PKHD1L1: variants seen among roughly 807,000 people sequenced by gnomAD.
PKHD1L1 encodes PKHD1 like 1.
PKHD1L1 carries 434 observed loss-of-function variants against 462.9 expected under a neutral mutation model. The observed-to-expected ratio is 0.94, with a 90% CI of 0.87 to 1.02. The LOEUF (loss-of-function observed/expected upper bound fraction) is 1.02, where lower values mean the gene tolerates loss of function less well. Ranked by LOEUF, PKHD1L1 falls within the 50% of genes least tolerant of loss-of-function variation. The pLI, the probability that PKHD1L1 is intolerant of heterozygous loss-of-function variation, is 0.00. For synonymous variants in PKHD1L1, 1,781 were observed against 1,750.0 expected, an observed-to-expected ratio of 1.02 and a Z score of -0.44; for missense variants, 5,202 against 5,096.1, an observed-to-expected ratio of 1.02 and a Z score of -0.63.
At chr8:109,387,812 C>A (rs1812512203) in intron 6 of PKHD1L1, among the ~76,000 whole-genome samples, 1 of 152,148 alleles carries the variant, frequency 6.6e-6, no homozygotes, top group African/African-American at 2.4e-5. Context: ...TATTTTGAGT[C>A]TGGGATTTGC....
At position 109,440,560 on chromosome 8, in the gene PKHD1L1, GATAATTGCCAGATTGTCT is replaced by G. The variant is rs773203652; in HGVS notation, c.3957-147_3957-130del. ...TATCATCCAATCAAATCGAGATTAT[GATAATTGCCAGATTGTCT>G]ATCTTGAAAAAGTAATGTACAGTTA... On this transcript the variant is annotated intron_variant, in intron 32 of 77. Coordinates refer to ENST00000378402, the MANE Select transcript of PKHD1L1 (RefSeq NM_177531.6). The G allele has an allele frequency of 4.1e-3, 2,423 of 594,266 alleles. 8 individuals are homozygous for G. Among genetic ancestry groups the G allele is most frequent in the Non-Finnish European group, 5.6e-3 (2,059 of 368,998 alleles). 36.8% of individuals were successfully genotyped at this position (594,266 alleles called of 1,614,324 possible).
In PKHD1L1 at chr8:109,464,310, G is replaced by A. The variant is rs766905895; in HGVS notation, c.7478G>A (p.Cys2493Tyr). The change falls in exon 49 of 78, where the codon TGT becomes TAT. Residue 2493 changes from cysteine (C) to tyrosine (Y), a missense_variant. By Grantham distance (194) the Cys-to-Tyr change is radical (BLOSUM62 -2). This residue lies in a region of PKHD1L1 where 4,497 missense variants were observed against 4,336.8 expected (regional missense o/e 1.04). Coordinates refer to ENST00000378402, the MANE Select transcript of PKHD1L1 (RefSeq NM_177531.6). Reference sequence around the variant, plus strand: ...CAGTTTAAATCTTATGTAAGAGGCTGTGCAATTCACCAGGCCTATAACAGA... The same window carrying A: ...CAGTTTAAATCTTATGTAAGAGGCTATGCAATTCACCAGGCCTATAACAGA... ...DLQFKSYVRGCAIHQAYNRAV... is the reference protein window; with the variant it reads ...DLQFKSYVRGYAIHQAYNRAV... 2 of 1,613,138 alleles carry A rather than the reference G, an allele frequency of 1.2e-6. No homozygotes were observed. The highest frequency in any genetic ancestry group is 3.3e-4 in the Middle Eastern group (2 of 6,060).
rs1586471329 is a variant in PKHD1L1 at position 109,419,151 on chromosome 8, G to A, written c.2415G>A (p.Gly805=). 6.2e-7 allele frequency: 1 copy of A among 1,613,530 alleles called. No individual in the cohort carries two copies. Among genetic ancestry groups the A allele is most frequent in the Non-Finnish European group, 8.5e-7 (1 of 1,179,596 alleles). Residue 805 remains glycine, a synonymous_variant, in exon 22 of 78, where the codon GGG becomes GGA. Transcript: ENST00000378402. ...ATCTCGTAAGAACGAAATACACTGG[G>A]ACAAATGTTTCTCTTCAGAGGATTA... ...LLDLVRTKYT[G]TNVSLQRISL... is the part of the protein sequence containing the mutation.
At chr8:109,470,608 A>G (rs1817667683) in intron 50 of PKHD1L1, 3 of 1,577,856 alleles carry the variant, frequency 1.9e-6, no homozygotes, top group Admixed American at 3.6e-5. Flanking sequence ...TGATAAATTA[A>G]ATGACTTGAA....
In PKHD1L1 at chr8:109,445,386, T is replaced by C; in HGVS notation, c.5517T>C (p.Thr1839=). ...CCCCAGTAGCATCTCTATCACCAAC[T>C]TCTGGAAGCATTGGTGGTGGAACTA... ...SSPPVASLSP[T]SGSIGGGTTL... The change falls in exon 38 of 78, where the codon ACT becomes ACC. Residue 1839 remains threonine (T), a synonymous_variant. Coordinates refer to ENST00000378402, the MANE Select transcript of PKHD1L1 (RefSeq NM_177531.6). 1 of 1,613,926 alleles carries C rather than the reference T, an allele frequency of 6.2e-7. No individual in the cohort carries two copies. The highest frequency in any genetic ancestry group is 1.1e-5 in the South Asian group (1 of 91,078).
rs201449705 is a variant in PKHD1L1 at position 109,412,259 on chromosome 8, C to A, written c.2086-6C>A. On this transcript the variant is annotated splice_polypyrimidine_tract_variant and splice_region_variant and intron_variant, in intron 19 of 77. Transcript: ENST00000378402. ...GTTTTCATTTGAAATATTATTGTTTCGGTAGGAACATATTAACAGAGGGCA... is the reference window on the plus strand; with the variant it reads ...GTTTTCATTTGAAATATTATTGTTTAGGTAGGAACATATTAACAGAGGGCA... 3 of 1,610,194 alleles carry A rather than the reference C, an allele frequency of 1.9e-6. No individual in the cohort carries two copies. In the African/African-American group the frequency reaches 4.0e-5, roughly 22 times the overall value.
chr8:109,408,667 C>T (rs978483209), intron 18 of PKHD1L1, among the ~76,000 whole-genome samples: 1 of 152,096 alleles, frequency 6.6e-6, no homozygotes, highest in Non-Finnish European at 1.5e-5. Context: ...CAGCAGAGAC[C>T]TTAAGAAATA....
At chr8:109,419,317 G>C in intron 22 of PKHD1L1, 57 bp downstream of exon 22, 1 of 1,374,382 alleles carries the variant, frequency 7.3e-7, no homozygotes, top group Non-Finnish European at 9.7e-7. Context: ...TCTTACCATG[G>C]AAATTATTTT....
chr8:109,477,165 G>A (rs1189716025), intron 52 of PKHD1L1, 60 bp from the exon 53 acceptor site: 4 of 1,546,368 alleles, frequency 2.6e-6, no homozygotes, highest in Non-Finnish European at 2.6e-6. Flanking sequence ...CCATAATTTT[G>A]TTTACATTCA....
chr8:109,423,471 A>G (rs1814579068), intron 23 of PKHD1L1, among the ~76,000 whole-genome samples: 1 of 152,000 alleles, frequency 6.6e-6, no homozygotes, highest in Admixed American at 6.6e-5. Flanking sequence ...TATTCTTTCC[A>G]TTGGTCTATG....
At chr8:109,513,134 A>G (rs1025429617) in intron 71 of PKHD1L1, among the ~76,000 whole-genome samples, 1 of 151,354 alleles carries the variant, frequency 6.6e-6, no homozygotes, top group South Asian at 2.1e-4. Flanking sequence ...CAATCATGTC[A>G]TCTGCAAACA....
intron 71 of PKHD1L1, 114 bp downstream of exon 71, chr8:109,511,048 C>A: frequency 2.5e-6 from 3 of 1,198,548 alleles, no homozygotes; most frequent in Non-Finnish European, 3.5e-6. Flanking sequence ...CAGCTCATTT[C>A]CAAGGATGCA....
intron 33 of PKHD1L1, 66 bp downstream of exon 33, chr8:109,440,918 CTGAGT>C (rs1355251780): frequency 6.7e-7 from 1 of 1,499,592 alleles, no homozygotes; most frequent in Non-Finnish European, 9.0e-7. Flanking sequence ...ACTACAGGTG[CTGAGT>C]TATTATATGA....
chr8:109,469,866 T>TA (rs1817635372), intron 50 of PKHD1L1, among the ~76,000 whole-genome samples: 1 of 152,130 alleles, frequency 6.6e-6, no homozygotes, highest in South Asian at 2.1e-4. Flanking sequence ...TTCTTCCAAA[T>TA]AAAAACTGAA....
chr8:109,446,473 T>A (rs1189416700), intron 38 of PKHD1L1, among the ~76,000 whole-genome samples: 1 of 152,230 alleles, frequency 6.6e-6, no homozygotes, highest in Admixed American at 6.5e-5. Context: ...GAATAGTACA[T>A]TTAATGAAGA....
chr8:109,400,432 C>T, intron 13 of PKHD1L1, 88 bp downstream of exon 13: 1 of 1,389,316 alleles, frequency 7.2e-7, no homozygotes, highest in Non-Finnish European at 9.7e-7. Flanking sequence ...AACGAATGAA[C>T]ATTTTTAAAA....
At chr8:109,373,372 G>T (rs1811623062) in intron 2 of PKHD1L1, among the ~76,000 whole-genome samples, 1 of 152,108 alleles carries the variant, frequency 6.6e-6, no homozygotes, top group African/African-American at 2.4e-5. Context: ...ATTTTTTATT[G>T]TGTCTATTTG....
At chr8:109,525,981 A>G (rs1176232111) in intron 76 of PKHD1L1, among the ~76,000 whole-genome samples, 1 of 152,240 alleles carries the variant, frequency 6.6e-6, no homozygotes, top group Non-Finnish European at 1.5e-5. Flanking sequence ...GTAAAAACTT[A>G]CAGGGCTGTA....
chr8:109,497,408 G>T, intron 65 of PKHD1L1, 136 bp downstream of exon 65: 1 of 985,912 alleles, frequency 1.0e-6, no homozygotes, highest in Admixed American at 3.1e-5. Flanking sequence ...TGTTCCCACT[G>T]CCCTCTGCCT....
Sources: allele counts gnomAD v4.1 joint callset (sites outside exome capture counted in the v4.1 genomes callset), GRCh38; gene constraint gnomAD v4.1.1; regional missense constraint gnomAD v4.1.1; transcripts MANE v1.5; gene names NCBI Gene and HGNC (gene_info 2026-07-23, HGNC 2026-07-21).